R3HCC1L: variants seen among roughly 807,000 people sequenced by gnomAD.
R3HCC1L encodes the protein coiled-coil domain-containing protein R3HCC1L.
A neutral mutation model predicts 59.9 loss-of-function variants in R3HCC1L; 51 were observed. The ratio of observed to expected loss-of-function variants is 0.85; its 90% CI spans 0.68 to 1.07. R3HCC1L has a LOEUF of 1.07. R3HCC1L is among the 50% of genes least tolerant of loss of function. The probability of loss-of-function intolerance (pLI) is 0.00; values close to 1 mark genes in which losing one functional copy is unlikely to be tolerated. For missense variants in R3HCC1L, 965 were observed against 933.0 expected, an observed-to-expected ratio of 1.03 and a Z score of -0.45; for synonymous variants, 322 against 315.2, an observed-to-expected ratio of 1.02 and a Z score of -0.23.
chr10:98,171,769 A>G (rs188871969), intron 4 of R3HCC1L, among the ~76,000 whole-genome samples: 8 of 152,320 alleles, frequency 5.3e-5, no homozygotes, highest in African/African-American at 1.9e-4. Flanking sequence ...ACCAGTGGAA[A>G]TAACTTTGAC....
chr10:98,157,286 G>A (rs910167342), intron 2 of R3HCC1L, among the ~76,000 whole-genome samples: 2 of 152,150 alleles, frequency 1.3e-5, no homozygotes, highest in African/African-American at 4.8e-5. Flanking sequence ...TTTCAGTATA[G>A]AACAGTTGGC....
intron 5 of R3HCC1L, among the ~76,000 whole-genome samples, chr10:98,212,157 A>C (rs1319093811): frequency 4.6e-5 from 7 of 152,150 alleles, no homozygotes; most frequent in Non-Finnish European, 7.4e-5. Flanking sequence ...TGGGTTTTAG[A>C]AAATGTAATA....
At chr10:98,198,541 G>A (rs1157691405) in intron 4 of R3HCC1L, among the ~76,000 whole-genome samples, 4 of 121,254 alleles carry the variant, frequency 3.3e-5, no homozygotes, top group Admixed American at 8.3e-5. Context: ...AAAAGCCTTC[G>A]TTTTCAGGAA....
At chr10:98,206,772 A>T (rs1179933123) in intron 4 of R3HCC1L, among the ~76,000 whole-genome samples, 3 of 152,116 alleles carry the variant, frequency 2.0e-5, no homozygotes, top group Non-Finnish European at 4.4e-5. Flanking sequence ...TATGAAACAC[A>T]CTTCAGTACT....
intron 4 of R3HCC1L, among the ~76,000 whole-genome samples, chr10:98,195,017 C>T (rs1209071615): frequency 6.6e-6 from 1 of 152,102 alleles, no homozygotes; most frequent in Non-Finnish European, 1.5e-5. Flanking sequence ...TCTGCACTCC[C>T]ATGTTCAGTG....
chr10:98,152,372 C>G (rs1200412263), intron 1 of R3HCC1L, among the ~76,000 whole-genome samples: 1 of 151,488 alleles, frequency 6.6e-6, no homozygotes. Context: ...GCCCGGCCGC[C>G]ACCCCGTCTG....
At chr10:98,240,928 C>T (rs1190733674) in intron 9 of R3HCC1L, among the ~76,000 whole-genome samples, 1 of 151,758 alleles carries the variant, frequency 6.6e-6, no homozygotes, top group Non-Finnish European at 1.5e-5. Flanking sequence ...TTAACTAGGA[C>T]TAACTAACTG....
chr10:98,162,053 T>A (rs1344621890), intron 2 of R3HCC1L, among the ~76,000 whole-genome samples: 1 of 152,178 alleles, frequency 6.6e-6, no homozygotes, highest in Non-Finnish European at 1.5e-5. Flanking sequence ...TTTGTGTCTT[T>A]CAGGAATGTT....
intron 4 of R3HCC1L, among the ~76,000 whole-genome samples, chr10:98,199,556 T>G (rs1851813094): frequency 6.6e-6 from 1 of 152,042 alleles, no homozygotes; most frequent in Non-Finnish European, 1.5e-5. Flanking sequence ...TTTTCCTGTT[T>G]CAGTTCCTGC....
chr10:98,220,875 G>A (rs1470603107), intron 5 of R3HCC1L, among the ~76,000 whole-genome samples: 4 of 145,666 alleles, frequency 2.7e-5, no homozygotes, highest in African/African-American at 1.0e-4. Context: ...ATGATTTATA[G>A]TCCTTTGGGT....
rs765832966 is a variant in R3HCC1L at position 98,208,300 on chromosome 10, T to C, written c.186T>C (p.Phe62=). ...GTTCTCTCTCCCAAAAAGAAGTCTTTAAAGACAAACCGGAGGCTCGAAGAC... is the reference window on the plus strand; with the variant it reads ...GTTCTCTCTCCCAAAAAGAAGTCTTCAAAGACAAACCGGAGGCTCGAAGAC... ...KESSLSQKEV[F]KDKPEARRLN... The change falls in exon 5 of 10, where the codon TTT becomes TTC. Residue 62 remains phenylalanine (F), a synonymous_variant. Transcript: ENST00000298999. 1.2e-6 allele frequency: 2 copies of C among 1,613,992 alleles called. No homozygotes were observed. The highest frequency in any genetic ancestry group is 8.5e-7 in the Non-Finnish European group (1 of 1,180,020).
chr10:98,228,061 T>C (rs1254589771), intron 5 of R3HCC1L, among the ~76,000 whole-genome samples: 1 of 152,240 alleles, frequency 6.6e-6, no homozygotes, highest in African/African-American at 2.4e-5. Flanking sequence ...TGTGTCTTTA[T>C]AGCAGCATGA....
chr10:98,189,425 A>C (rs569369721), intron 4 of R3HCC1L, among the ~76,000 whole-genome samples: 9 of 152,180 alleles, frequency 5.9e-5, no homozygotes, highest in Non-Finnish European at 1.2e-4. Flanking sequence ...TGTTTCTTGC[A>C]TGCCTTTTAG....
intron 4 of R3HCC1L, among the ~76,000 whole-genome samples, chr10:98,200,061 C>T (rs962740699): frequency 6.6e-6 from 1 of 151,978 alleles, no homozygotes; most frequent in East Asian, 1.9e-4. Context: ...CTATCATCGT[C>T]CTTCTTTAGT....
intron 4 of R3HCC1L, 62 bp from the exon 5 acceptor site, chr10:98,208,039 A>G: frequency 7.0e-7 from 1 of 1,432,590 alleles, no homozygotes; most frequent in Non-Finnish European, 9.3e-7. Context: ...AGAAAAAAGA[A>G]AATATTTTGG....
intron 7 of R3HCC1L, 82 bp downstream of exon 7, chr10:98,234,598 C>A: frequency 7.0e-7 from 1 of 1,426,996 alleles, no homozygotes; most frequent in Non-Finnish European, 9.8e-7. Flanking sequence ...TCTATTTGAG[C>A]AAGTTGGCAT....
chr10:98,193,322 G>GTAA (rs1229176461), intron 4 of R3HCC1L, among the ~76,000 whole-genome samples: 2 of 151,870 alleles, frequency 1.3e-5, no homozygotes, highest in African/African-American at 4.8e-5. Context: ...AAAGGAGGAA[G>GTAA]TAAGATTATC....
At position 98,236,134 on chromosome 10, in the gene R3HCC1L, G is replaced by C; in HGVS notation, c.2239G>C (p.Ala747Pro). ...TAAGCAGAGCAAAACCGAACGAGAA[G>C]CAGAGCTCAAGAAACTGCAAGAAGC... Reference protein sequence around the residue: ...RSKQSKTEREAELKKLQEARE... With the variant: ...RSKQSKTEREPELKKLQEARE... Residue 747 changes from alanine (A) to proline (P), a missense_variant, in exon 9 of 10, where the codon GCA becomes CCA. Transcript: ENST00000298999. 6.2e-7 allele frequency: 1 copy of C among 1,613,924 alleles called. No individual in the cohort carries two copies. The highest frequency in any genetic ancestry group is 1.1e-5 in the South Asian group (1 of 91,078).
chr10:98,207,534 AC>A (rs892853324), intron 4 of R3HCC1L, among the ~76,000 whole-genome samples: 1 of 152,170 alleles, frequency 6.6e-6, no homozygotes, highest in African/African-American at 2.4e-5. Flanking sequence ...ATAGAATAAT[AC>A]TTTTCTCTTT....
Sources: gnomAD v4.1 joint callset for allele counts (sites outside exome capture counted in the v4.1 genomes callset) on GRCh38, gnomAD v4.1.1 for gene constraint, MANE v1.5 for transcripts, NCBI Gene and HGNC (gene_info 2026-07-23, HGNC 2026-07-21) for gene names.